The following COG8 variants were observed in gnomAD, a reference collection of about 807,000 sequenced individuals.
COG8 encodes component of oligomeric golgi complex 8.
In COG8, 45 loss-of-function variants were observed where a neutral mutation model predicts 46.5. The ratio of observed to expected loss-of-function variants is 0.97; its 90% CI spans 0.76 to 1.24. COG8 has a LOEUF of 1.24. COG8 is among the 50% of genes most tolerant of loss of function. COG8 has a pLI of 0.00. For synonymous variants in COG8, 407 were observed against 347.8 expected, an observed-to-expected ratio of 1.17 and a Z score of -1.90; for missense variants, 793 against 820.8, an observed-to-expected ratio of 0.97 and a Z score of 0.41.
chr16:69,334,739 G>C lies in COG8; in HGVS notation c.1195C>G (p.Leu399Val). Reference protein sequence around the residue: ...KFQEEMNSYMLISAPAILGTS... With the variant: ...KFQEEMNSYMVISAPAILGTS... ...CCCAGGATGGCTGGAGCCGAGATGAGCATGTAGGAGTTCATTTCTTCCTGG... is the reference window on the plus strand; with the variant it reads ...CCCAGGATGGCTGGAGCCGAGATGACCATGTAGGAGTTCATTTCTTCCTGG... The change falls in exon 3 of 6, where the codon CTC becomes GTC. Residue 399 changes from leucine (L) to valine (V), a missense_variant. Coordinates refer to ENST00000306875, the MANE Select transcript of COG8 (RefSeq NM_032382.5). The C allele has an allele frequency of 6.2e-7, 1 of 1,614,148 alleles. No individual in the cohort carries two copies. The highest frequency in any genetic ancestry group is 8.5e-7 in the Non-Finnish European group (1 of 1,180,044).
intron 4 of COG8, among the ~76,000 whole-genome samples, chr16:69,331,453 C>CAAAAAA (rs1185929938): frequency 3.3e-5 from 2 of 61,246 alleles, no homozygotes; most frequent in Non-Finnish European, 5.9e-5. Context: ...AACTCCGTCT[C>CAAAAAA]AAAAAAAAAA....
chr16:69,334,378 T>G (rs1219154829), intron 3 of COG8, 143 bp downstream of exon 3: 1 of 768,730 alleles, frequency 1.3e-6, no homozygotes, highest in Non-Finnish European at 2.3e-6. Flanking sequence ...GGCCAGAGCT[T>G]CTCAATCAGG....
chr16:69,335,091 A>G lies in COG8; in HGVS notation c.843T>C (p.His281=). The G allele has an allele frequency of 6.2e-7, 1 of 1,614,162 alleles. No individual in the cohort carries two copies. The highest frequency in any genetic ancestry group is 8.5e-7 in the Non-Finnish European group (1 of 1,180,034). Residue 281 remains histidine, a synonymous_variant, in exon 3 of 6, where the codon CAT becomes CAC. Coordinates refer to ENST00000306875, the MANE Select transcript of COG8 (RefSeq NM_032382.5). ...GGTACTGGGTGATGATATCAAAGAGATGGACACGGGAGGCCTCGATGGTTT... is the reference window on the plus strand; with the variant it reads ...GGTACTGGGTGATGATATCAAAGAGGTGGACACGGGAGGCCTCGATGGTTT... The part of the protein sequence containing the change: ...ITKTIEASRV[H]LFDIITQYRA...
Position 69,328,847 on chromosome 16 carries a change from G to C in COG8, c.*359C>G, listed in dbSNP as rs1965685151. ...TGTAGCCAACATTTTGTCCGTAACT[G>C]ATTTCAGGGCAAACATTTCTGACAT... On this transcript the variant is annotated 3_prime_UTR_variant, in exon 6 of 6. Transcript: ENST00000306875. 8.3e-6 allele frequency: 7 copies of C among 846,382 alleles called. No individual in the cohort carries two copies. The highest frequency in any genetic ancestry group is 1.3e-5 in the Non-Finnish European group (7 of 559,856). The allele number at this position is 846,382 out of a possible 1,614,324, so 52.4% of individuals were successfully genotyped here. A position where few individuals can be genotyped will look rare whatever the true frequency, so the allele number is the denominator to read the frequency against.
chr16:69,332,147 T>TA (rs1028362987), intron 4 of COG8, among the ~76,000 whole-genome samples: 3 of 152,110 alleles, frequency 2.0e-5, no homozygotes, highest in African/African-American at 7.2e-5. Flanking sequence ...GGTCAAGAGA[T>TA]AGAGACCATC....
At chr16:69,339,105 T>TA in intron 1 of COG8, 71 bp downstream of exon 1, 1 of 1,604,608 alleles carries the variant, frequency 6.2e-7, no homozygotes. Context: ...CTTTATGTGT[T>TA]AGTTATTTCT....
intron 3 of COG8, among the ~76,000 whole-genome samples, 167 bp from the exon 4 acceptor site, chr16:69,333,049 C>T (rs2011982429): frequency 6.6e-6 from 1 of 152,024 alleles, no homozygotes; most frequent in Non-Finnish European, 1.5e-5. Flanking sequence ...TGGTCATTGT[C>T]CACAATTGTG....
Position 69,339,496 on chromosome 16 carries a change from G to T in COG8, c.57C>A (p.Gly19=), listed in dbSNP as rs1327141920. Residue 19 remains glycine (G), a synonymous_variant, in exon 1 of 6, where the codon GGC becomes GGA. Transcript: ENST00000306875. The stretch of plus-strand genomic sequence containing the variant: ...CCAGGAGCCCTTCATCCTCCACCTC[G>T]CCGAGAGCCGCTGCTGTGGCCGTGG... ...SVATATAAAL[G]EVEDEGLLAS... is the part of the protein sequence containing the mutation. 2 of 1,606,124 alleles carry T rather than the reference G, an allele frequency of 1.2e-6. No individual in the cohort carries two copies. Among genetic ancestry groups the T allele is most frequent in the African/African-American group, 1.3e-5 (1 of 74,858 alleles).
In COG8 at chr16:69,331,015, T is replaced by C. The variant is rs1224000687; in HGVS notation, c.1663A>G (p.Ile555Val). 2.5e-6 allele frequency: 4 copies of C among 1,612,794 alleles called. No homozygotes were observed. The highest frequency in any genetic ancestry group is 1.3e-5 in the African/African-American group (1 of 74,866). Residue 555 changes from isoleucine to valine, a missense_variant, in exon 5 of 6, where the codon ATC (isoleucine) becomes GTC (valine). Transcript: ENST00000306875. ...IGAIQEPLAF[I>V]LPKRETLFTL... ...AAAAGCGTCTCTCTCTTTGGCAGGATAAAGGCGAGGGGCTCCTGAATGGCG... is the reference window on the plus strand; with the variant it reads ...AAAAGCGTCTCTCTCTTTGGCAGGACAAAGGCGAGGGGCTCCTGAATGGCG...
intron 5 of COG8, chr16:69,330,181 C>T (rs76541160): frequency 1.3e-6 from 2 of 1,494,188 alleles, no homozygotes; most frequent in South Asian, 1.3e-5. Context: ...CCCGACACAG[C>T]GCCTCGGGGA....
chr16:69,337,834 C>T (rs1221971380), intron 1 of COG8, among the ~76,000 whole-genome samples: 2 of 151,322 alleles, frequency 1.3e-5, no homozygotes, highest in Non-Finnish European at 2.9e-5. Context: ...TTCTCAGGTT[C>T]AAGTAATTCT....
chr16:69,336,642 T>C lies in COG8; in HGVS notation c.448A>G (p.Thr150Ala), dbSNP rs1253536733. 1 of 1,614,162 alleles carries C rather than the reference T, an allele frequency of 6.2e-7. No homozygotes were observed. The highest frequency in any genetic ancestry group is 8.5e-7 in the Non-Finnish European group (1 of 1,180,022). The stretch of plus-strand genomic sequence containing the variant: ...ATCTCCAGTATTTCCAAAATTTCTG[T>C]GTGCCGGTTTAGGGTCAGGCTATTC... ...RMNSLTLNRHTEILEILEIPQ... is the reference protein window; with the variant it reads ...RMNSLTLNRHAEILEILEIPQ... Residue 150 changes from threonine (T) to alanine (A), a missense_variant, in exon 2 of 6, where the codon ACA becomes GCA. By Grantham distance (58) the Thr-to-Ala change is moderately conservative. Transcript: ENST00000306875.
At chr16:69,331,282 ATC>A (rs1198185678) in intron 4 of COG8, among the ~76,000 whole-genome samples, 187 bp from the exon 5 acceptor site, 3 of 151,728 alleles carry the variant, frequency 2.0e-5, no homozygotes, top group African/African-American at 7.3e-5. Flanking sequence ...GAGAAATCCC[ATC>A]TCTCTTAAAA....
intron 3 of COG8, among the ~76,000 whole-genome samples, chr16:69,333,398 C>A (rs1443380956): frequency 2.0e-5 from 3 of 152,118 alleles, no homozygotes; most frequent in Non-Finnish European, 4.4e-5. Flanking sequence ...GAGCCCCTGG[C>A]TTCAAGAGAT....
chr16:69,331,215 GGGA>G, intron 4 of COG8, 120 bp from the exon 5 acceptor site: 4 of 1,053,042 alleles, frequency 3.8e-6, no homozygotes, highest in Admixed American at 4.0e-5. Flanking sequence ...TGGGAGGCCG[GGGA>G]GGGGGGGGCG....
chr16:69,336,821 A>G, intron 1 of COG8, 109 bp from the exon 2 acceptor site: 2 of 959,222 alleles, frequency 2.1e-6, no homozygotes, highest in Non-Finnish European at 3.3e-6. Flanking sequence ...TATCTGATTT[A>G]TTCCTCACAC....
chr16:69,332,496 G>T (rs1245172618), intron 4 of COG8: 2 of 626,200 alleles, frequency 3.2e-6, no homozygotes, highest in African/African-American at 1.8e-5. Flanking sequence ...ATGTCCAGAA[G>T]AGGCAAATCT....
chr16:69,329,750 A>G (rs1160818710), intron 5 of COG8, among the ~76,000 whole-genome samples: 2 of 152,236 alleles, frequency 1.3e-5, no homozygotes, highest in African/African-American at 2.4e-5. Flanking sequence ...GCAAGGGAGC[A>G]GAAAGCAGAC....
intron 1 of COG8, 125 bp downstream of exon 1, chr16:69,339,051 G>A: frequency 7.5e-7 from 1 of 1,339,512 alleles, no homozygotes; most frequent in Non-Finnish European, 1.1e-6. Flanking sequence ...AGGTTTAAAT[G>A]GATTAATAAA....
Sources: allele counts gnomAD v4.1 joint callset (sites outside exome capture counted in the v4.1 genomes callset), GRCh38; gene constraint gnomAD v4.1.1; transcripts MANE v1.5; gene names NCBI Gene and HGNC (gene_info 2026-07-23, HGNC 2026-07-21).